TAFA1: variants seen among roughly 807,000 people sequenced by gnomAD.
TAFA1 encodes chemokine-like protein TAFA-1.
In TAFA1, 4 loss-of-function variants were observed where a neutral mutation model predicts 18.5. The ratio of observed to expected loss-of-function variants is 0.22; its 90% CI spans 0.11 to 0.49. The LOEUF (loss-of-function observed/expected upper bound fraction) is 0.49, where lower values mean the gene tolerates loss of function less well. TAFA1 is among the 20% of genes least tolerant of loss of function. TAFA1 has a pLI of 0.98. For missense variants in TAFA1, 147 were observed against 169.0 expected (o/e 0.87, Z 0.72); for synonymous variants, 56 against 55.2 (o/e 1.01, Z -0.06).
intron 2 of TAFA1, among the ~76,000 whole-genome samples, chr3:68,333,840 C>G (rs913474237): frequency 1.3e-5 from 2 of 152,150 alleles, no homozygotes; most frequent in African/African-American, 4.8e-5. Flanking sequence ...GAAGGAAATT[C>G]TGCCATCAAT....
chr3:68,017,089 G>A (rs1704586010), intron 2 of TAFA1, among the ~76,000 whole-genome samples: 1 of 152,130 alleles, frequency 6.6e-6, no homozygotes, highest in African/African-American at 2.4e-5. Flanking sequence ...TTAAAAATAT[G>A]TGGCATAGCA....
At chr3:68,501,153 T>TG (rs1338936687) in intron 3 of TAFA1, among the ~76,000 whole-genome samples, 2 of 50,348 alleles carry the variant, frequency 4.0e-5, no homozygotes, top group East Asian at 6.6e-4. Context: ...AGACCCTGTC[T>TG]GAAAAAAAAA....
At chr3:68,495,007 C>G (rs4309741) in intron 3 of TAFA1, among the ~76,000 whole-genome samples, 29,178 of 151,930 alleles carry the variant, frequency 0.19, 3,142 homozygotes, top group Admixed American at 0.25. Flanking sequence ...AGAGTAAAAA[C>G]AAAAGAAAAG....
intron 2 of TAFA1, among the ~76,000 whole-genome samples, chr3:68,165,703 G>A (rs988337997): frequency 5.3e-5 from 8 of 152,174 alleles, no homozygotes; most frequent in African/African-American, 1.9e-4. Flanking sequence ...CTGTGTGCCA[G>A]GCACATTTCT....
chr3:68,036,245 T>A (rs1373043046), intron 2 of TAFA1, among the ~76,000 whole-genome samples: 1 of 151,766 alleles, frequency 6.6e-6, no homozygotes, highest in Non-Finnish European at 1.5e-5. Flanking sequence ...TCTAGACCAG[T>A]CTGACCAAAA....
chr3:68,116,767 G>A (rs1250682605), intron 2 of TAFA1, among the ~76,000 whole-genome samples: 1 of 152,160 alleles, frequency 6.6e-6, no homozygotes, highest in Non-Finnish European at 1.5e-5. Context: ...TGTCTTCCAA[G>A]GCACAGAACA....
At chr3:68,315,179 C>A (rs1347828703) in intron 2 of TAFA1, among the ~76,000 whole-genome samples, 1 of 152,088 alleles carries the variant, frequency 6.6e-6, no homozygotes, top group East Asian at 1.9e-4. Flanking sequence ...TCCAGTCCCA[C>A]TGAGCAATTA....
chr3:68,398,758 T>C (rs538727853), intron 2 of TAFA1, among the ~76,000 whole-genome samples: 2 of 152,330 alleles, frequency 1.3e-5, no homozygotes, highest in South Asian at 4.1e-4. Flanking sequence ...TCAGTAACTA[T>C]ATTCTGCTCT....
chr3:68,164,114 C>T (rs767059524), intron 2 of TAFA1, among the ~76,000 whole-genome samples: 1 of 152,214 alleles, frequency 6.6e-6, no homozygotes, highest in Admixed American at 6.5e-5. Context: ...CATTTCAGCT[C>T]TAGCATCATT....
chr3:68,232,421 C>T (rs1448098482), intron 2 of TAFA1, among the ~76,000 whole-genome samples: 1 of 152,124 alleles, frequency 6.6e-6, no homozygotes, highest in Non-Finnish European at 1.5e-5. Flanking sequence ...AATGGTATTC[C>T]ATTGTGTATC....
At chr3:68,304,189 A>G (rs1379671453) in intron 2 of TAFA1, among the ~76,000 whole-genome samples, 1 of 152,236 alleles carries the variant, frequency 6.6e-6, no homozygotes, top group Non-Finnish European at 1.5e-5. Context: ...TAGCTGTGTG[A>G]TTTAAATGAT....
chr3:68,155,587 C>T (rs187975047), intron 2 of TAFA1, among the ~76,000 whole-genome samples: 1 of 152,230 alleles, frequency 6.6e-6, no homozygotes, highest in Non-Finnish European at 1.5e-5. Flanking sequence ...CACTGTGTGG[C>T]CCAAGGGGAA....
chr3:68,167,434 G>A (rs753280450), intron 2 of TAFA1, among the ~76,000 whole-genome samples: 1 of 152,032 alleles, frequency 6.6e-6, no homozygotes, highest in African/African-American at 2.4e-5. Context: ...AAAAATTGCC[G>A]GGCGTGGCGG....
chr3:68,236,171 T>A (rs1367251870), intron 2 of TAFA1, among the ~76,000 whole-genome samples: 1 of 152,132 alleles, frequency 6.6e-6, no homozygotes, highest in Non-Finnish European at 1.5e-5. Flanking sequence ...CATATTCAAG[T>A]AGGACAGAAC....
intron 2 of TAFA1, among the ~76,000 whole-genome samples, chr3:68,381,790 A>G (rs1340592822): frequency 6.6e-6 from 1 of 152,232 alleles, no homozygotes; most frequent in Admixed American, 6.5e-5. Context: ...TGCCCTGGCC[A>G]GAACTTCCAA....
At chr3:68,085,146 C>A (rs1174505857) in intron 2 of TAFA1, among the ~76,000 whole-genome samples, 1 of 152,098 alleles carries the variant, frequency 6.6e-6, no homozygotes, top group Admixed American at 6.5e-5. Flanking sequence ...TCTCACTTAA[C>A]CCTTTTTATA....
chr3:68,065,104 T>C (rs759625665), intron 2 of TAFA1, among the ~76,000 whole-genome samples: 2 of 152,132 alleles, frequency 1.3e-5, no homozygotes, highest in Non-Finnish European at 2.9e-5. Flanking sequence ...ATCTGTTATC[T>C]AAATTGTAAC....
chr3:68,274,843 T>C (rs916735606), intron 2 of TAFA1, among the ~76,000 whole-genome samples: 2 of 152,184 alleles, frequency 1.3e-5, no homozygotes, highest in Non-Finnish European at 2.9e-5. Context: ...TCTGTTTCTC[T>C]TTCTTTCTTG....
chr3:68,193,023 G>A (rs963315013), intron 2 of TAFA1, among the ~76,000 whole-genome samples: 4 of 151,756 alleles, frequency 2.6e-5, no homozygotes, highest in Admixed American at 1.3e-4. Flanking sequence ...GACAGATATG[G>A]TAGTCTCCTT....
Sources: allele counts gnomAD v4.1 joint callset (sites outside exome capture counted in the v4.1 genomes callset), GRCh38; gene constraint gnomAD v4.1.1; transcripts MANE v1.5; gene names NCBI Gene and HGNC (gene_info 2026-07-23, HGNC 2026-07-21).